The following PIGZ variants were observed in gnomAD, a reference collection of about 807,000 sequenced individuals.
PIGZ encodes the protein phosphatidylinositol glycan anchor biosynthesis class Z (Gwada blood group).
In PIGZ, 16 loss-of-function variants were observed where a neutral mutation model predicts 16.4. The ratio of observed to expected loss-of-function variants is 0.97; its 90% CI spans 0.66 to 1.48. PIGZ has a LOEUF of 1.48. Among genes scored for constraint, PIGZ ranks in the 40% most tolerant of loss-of-function variants. The pLI, the probability that PIGZ is intolerant of heterozygous loss-of-function variation, is 0.00. For missense variants in PIGZ, 770 were observed against 739.2 expected (o/e 1.04, Z -0.48); for synonymous variants, 409 against 338.4 (o/e 1.21, Z -2.29).
At chr3:196,949,748 C>T (rs1308138177) in intron 2 of PIGZ, among the ~76,000 whole-genome samples, 1 of 152,066 alleles carries the variant, frequency 6.6e-6, no homozygotes, top group Non-Finnish European at 1.5e-5. Flanking sequence ...GATGAGGTGG[C>T]AGTGTGTCCT....
Position 196,965,931 on chromosome 3 carries a change from C to G in PIGZ, c.-1+2756G>C, listed in dbSNP as rs1342655086. Among the ~76,000 whole-genome samples the G allele has an allele frequency of 1.3e-5, 2 of 152,186 alleles. No individual in the cohort carries two copies. The highest frequency in any genetic ancestry group is 2.9e-5 in the Non-Finnish European group (2 of 68,048). ...TGCGGCAGAGACAGGCCGAATCACTCCCCTGTGAGAAACCTCTGGATGGGG... is the reference window on the plus strand; with the variant it reads ...TGCGGCAGAGACAGGCCGAATCACTGCCCTGTGAGAAACCTCTGGATGGGG... On this transcript the variant is annotated intron_variant, in intron 1 of 2. Coordinates refer to ENST00000412723, the MANE Select transcript of PIGZ (RefSeq NM_025163.4). The surrounding 1 kb of genome is among the most constrained non-coding windows in gnomAD (Gnocchi z 4.2).
At chr3:196,948,800 G>A in intron 2 of PIGZ, 115 bp from the exon 3 acceptor site, 1 of 694,118 alleles carries the variant, frequency 1.4e-6, no homozygotes, top group South Asian at 3.0e-5. Context: ...CGTAATCCCT[G>A]GGACTGTGCA....
Position 196,947,579 on chromosome 3 carries a change from C to T in PIGZ, c.1318G>A (p.Glu440Lys), listed in dbSNP as rs111679773. 1 of 1,613,846 alleles carries T rather than the reference C, an allele frequency of 6.2e-7. No individual in the cohort carries two copies. Among genetic ancestry groups the T allele is most frequent in the Admixed American group, 1.7e-5 (1 of 60,006 alleles). Residue 440 changes from glutamate (E) to lysine (K), a missense_variant, in exon 3 of 3, where the codon GAG (glutamate) becomes AAG (lysine). Glu to Lys is a moderately conservative substitution (Grantham distance 56). Transcript: ENST00000412723. ...LHQGGLVPGL[E>K]YLEQVVHAPV... Reference sequence around the variant, plus strand: ...GCATGGACCACCTGCTCCAGGTACTCCAGGCCAGGCACCAGGCCCCCCTGA... The same window carrying T: ...GCATGGACCACCTGCTCCAGGTACTTCAGGCCAGGCACCAGGCCCCCCTGA...
At chr3:196,949,998 T>G (rs547838651) in intron 2 of PIGZ, among the ~76,000 whole-genome samples, 1 of 152,086 alleles carries the variant, frequency 6.6e-6, no homozygotes, top group Non-Finnish European at 1.5e-5. Flanking sequence ...TAAATTTTTT[T>G]TTTTTTAGAC....
chr3:196,947,805 G>A lies in PIGZ; in HGVS notation c.1092C>T (p.Ser364=), dbSNP rs541074024. The A allele has an allele frequency of 5.8e-5, 94 of 1,608,226 alleles. 1 individual carries two copies. The East Asian group carries it at 1.6e-3, about 27-fold the overall frequency. ...GGAGAAGGAGATAGGACCTGGGGCT[G>A]GACAGCAGGCTCCGGGCACCCAGTG... ...LRALGARSLL[S]SPRSYLLLLY... Residue 364 remains serine, a synonymous_variant, in exon 3 of 3, where the codon TCC becomes TCT. Transcript: ENST00000412723.
chr3:196,951,618 C>T (rs868222350), intron 2 of PIGZ: 3 of 605,370 alleles, frequency 5.0e-6, no homozygotes, highest in Non-Finnish European at 8.8e-6. Context: ...TTAGCATTAC[C>T]CAGAAGGTCA....
At chr3:196,948,985 CCCTTCCTTCCCTTTA>C (rs1278196989) in intron 2 of PIGZ, among the ~76,000 whole-genome samples, 2 of 42,538 alleles carry the variant, frequency 4.7e-5, no homozygotes, top group Non-Finnish European at 7.5e-5. Context: ...CCCCTCCCTT[CCCTTCCTTCCCTTTA>C]CTTCTCTTTC....
chr3:196,948,922 TCCTTCC>T (rs1717102274), intron 2 of PIGZ, among the ~76,000 whole-genome samples: 1 of 29,386 alleles, frequency 3.4e-5, no homozygotes, highest in African/African-American at 2.2e-4. Context: ...TCCCTTCCCT[TCCTTCC>T]CTTTACTTCC....
chr3:196,961,436 C>A lies in PIGZ; in HGVS notation c.-1+7251G>T, dbSNP rs567082746. Among the ~76,000 whole-genome samples the A allele has an allele frequency of 3.9e-5, 6 of 152,256 alleles. No homozygotes were observed. In the South Asian group the frequency reaches 1.2e-3, roughly 32 times the overall value. ...GCAAACAACAACAGCAAAAACAATGCAAGCTGCTTCAACAATTCATCATGT... is the reference window on the plus strand; with the variant it reads ...GCAAACAACAACAGCAAAAACAATGAAAGCTGCTTCAACAATTCATCATGT... On this transcript the variant is annotated intron_variant, in intron 1 of 2. Transcript: ENST00000412723.
intron 1 of PIGZ, among the ~76,000 whole-genome samples, chr3:196,955,760 G>A (rs561072861): frequency 6.6e-6 from 1 of 151,672 alleles, no homozygotes; most frequent in South Asian, 2.1e-4. Flanking sequence ...TGTATTTTTA[G>A]TAGAGACGGG....
rs1487184127 is a variant in PIGZ, at chr3:196,951,755, G to A, written c.211+66C>T. The A allele has an allele frequency of 1.1e-5, 17 of 1,507,138 alleles. No individual in the cohort carries two copies. The African/African-American group carries it at 1.8e-4, about 16-fold the overall frequency. 93.4% of individuals were successfully genotyped at this position (1,507,138 alleles called of 1,614,324 possible). A position where few individuals can be genotyped will look rare whatever the true frequency, so the allele number is the denominator to read the frequency against. On this transcript the variant is annotated intron_variant, in intron 2 of 2. Coordinates refer to ENST00000412723, the MANE Select transcript of PIGZ (RefSeq NM_025163.4). ...AGACATGCTACTCCCTCCCCACAAA[G>A]TCTCCCGTCAGCTTCTCAAGCAGAC...
rs146943862 is a variant in PIGZ, at chr3:196,951,975, A to T, written c.57T>A (p.Val19=). Residue 19 remains valine, a synonymous_variant, in exon 2 of 3, where the codon GTT becomes GTA. Transcript: ENST00000412723. ...GTTGTTGCCAACACACCGGGCCCAA[A>T]ACCTGGAATGATGTCCCAGCTGCTA... ...ASVAAGTSFQ[V]LGPVCWQQLD... 10 of 1,614,026 alleles carry T rather than the reference A, an allele frequency of 6.2e-6. No homozygotes were observed. In the African/African-American group the frequency reaches 1.3e-4, roughly 22 times the overall value.
chr3:196,947,596 C>G lies in PIGZ; in HGVS notation c.1301G>C (p.Gly434Ala), dbSNP rs1282365559. The stretch of plus-strand genomic sequence containing the variant: ...CAGGTACTCCAGGCCAGGCACCAGG[C>G]CCCCCTGATGCAGGCAGCCGAAGAG... Reference protein sequence around the residue: ...ALLFGCLHQGGLVPGLEYLEQ... With the variant: ...ALLFGCLHQGALVPGLEYLEQ... Residue 434 changes from glycine to alanine, a missense_variant, in exon 3 of 3, where the codon GGC becomes GCC. Gly to Ala is a moderately conservative substitution (Grantham distance 60). Transcript: ENST00000412723. 2.5e-6 allele frequency: 4 copies of G among 1,613,278 alleles called. No individual in the cohort carries two copies. The highest frequency in any genetic ancestry group is 1.1e-5 in the South Asian group (1 of 90,978).
At chr3:196,948,930 TTTACTTCCCTTCCTTCCCCTCCCCTC>T (rs1560180967) in intron 2 of PIGZ, among the ~76,000 whole-genome samples, 1 of 10,464 alleles carries the variant, frequency 9.6e-5, no homozygotes, top group African/African-American at 1.4e-3. Context: ...CTTCCTTCCC[TTTACTTCCCTTCCTTCCCCTCCCCTC>T]CCTTCCTTCC....
chr3:196,959,445 T>C (rs1041414437), intron 1 of PIGZ, among the ~76,000 whole-genome samples: 6 of 152,220 alleles, frequency 3.9e-5, no homozygotes, highest in African/African-American at 1.4e-4. Context: ...TTTCCATATA[T>C]CATGAGCATC....
At chr3:196,950,221 G>A (rs917901777) in intron 2 of PIGZ, among the ~76,000 whole-genome samples, 1 of 152,162 alleles carries the variant, frequency 6.6e-6, no homozygotes, top group African/African-American at 2.4e-5. Context: ...CTGACCTCAG[G>A]TGATCCACCC....
chr3:196,955,289 G>A (rs1377097782), intron 1 of PIGZ, among the ~76,000 whole-genome samples: 2 of 152,154 alleles, frequency 1.3e-5, no homozygotes, highest in African/African-American at 4.8e-5. Flanking sequence ...ACAGAAATGT[G>A]TGTTGAACTA....
intron 2 of PIGZ, among the ~76,000 whole-genome samples, 183 bp from the exon 3 acceptor site, chr3:196,948,868 CTTCCTTCCT>C (rs1560180671): frequency 8.3e-5 from 7 of 84,306 alleles, no homozygotes; most frequent in African/African-American, 3.8e-4. Flanking sequence ...CCTTCCTTCC[CTTCCTTCCT>C]TCCCTTCCTT....
chr3:196,947,793 G>T lies in PIGZ; in HGVS notation c.1104C>A (p.Ser368=). The T allele has an allele frequency of 1.2e-6, 2 of 1,607,986 alleles. No individual in the cohort carries two copies. Among genetic ancestry groups the T allele is most frequent in the Non-Finnish European group, 1.7e-6 (2 of 1,176,272 alleles). The change falls in exon 3 of 3, where the codon TCC becomes TCA. Residue 368 remains serine (S), a synonymous_variant. Transcript: ENST00000412723. ...GCATGAAGTAGAGGAGAAGGAGATA[G>T]GACCTGGGGCTGGACAGCAGGCTCC... The part of the protein sequence containing the change: ...GARSLLSSPR[S]YLLLLYFMPL...
Sources: allele counts gnomAD v4.1 joint callset (sites outside exome capture counted in the v4.1 genomes callset), GRCh38; gene constraint gnomAD v4.1.1; non-coding constraint Gnocchi (gnomAD v3.1); transcripts MANE v1.5; gene names NCBI Gene and HGNC (gene_info 2026-07-23, HGNC 2026-07-21).